The following ADGRB3 variants were observed in gnomAD, a reference collection of about 807,000 sequenced individuals.
ADGRB3 encodes the protein adhesion G protein-coupled receptor B3.
ADGRB3 carries 37 observed loss-of-function variants against 193.4 expected under a neutral mutation model. The observed-to-expected ratio is 0.19, with a 90% CI of 0.15 to 0.25. ADGRB3 has a LOEUF of 0.25. Ranked by LOEUF, ADGRB3 falls within the 10% of genes least tolerant of loss-of-function variation. ADGRB3 has a pLI of 1.00. For synonymous variants in ADGRB3, 690 were observed against 644.2 expected, an observed-to-expected ratio of 1.07 and a Z score of -1.08; for missense variants, 1,637 against 1,852.9, an observed-to-expected ratio of 0.88 and a Z score of 2.14.
intron 3 of ADGRB3, among the ~76,000 whole-genome samples, chr6:68,703,139 A>G (rs1765270628): frequency 1.3e-5 from 2 of 152,220 alleles, no homozygotes; most frequent in Admixed American, 6.5e-5. Context: ...TGATGGGTAT[A>G]TAACTGTTTA....
chr6:68,736,193 A>C (rs2127336653), intron 3 of ADGRB3, among the ~76,000 whole-genome samples: 1 of 151,974 alleles, frequency 6.6e-6, no homozygotes, highest in South Asian at 2.1e-4. Context: ...AAAAAAAAAA[A>C]AAATTTATAG....
At chr6:69,217,451 G>A (rs2127245772) in intron 17 of ADGRB3, among the ~76,000 whole-genome samples, 1 of 152,310 alleles carries the variant, frequency 6.6e-6, no homozygotes, top group Middle Eastern at 3.4e-3. Context: ...ATCTGGCCTT[G>A]AGCATCTGCT....
chr6:69,205,574 G>T (rs1765521084), intron 17 of ADGRB3, among the ~76,000 whole-genome samples: 2 of 152,076 alleles, frequency 1.3e-5, no homozygotes, highest in Non-Finnish European at 2.9e-5. Flanking sequence ...TGGAGGCTGG[G>T]AATTTCAAGA....
chr6:68,751,475 A>G (rs1766197785), intron 3 of ADGRB3, among the ~76,000 whole-genome samples: 1 of 152,208 alleles, frequency 6.6e-6, no homozygotes, highest in South Asian at 2.1e-4. Context: ...AATGAAATAA[A>G]ACATCAGAGA....
chr6:68,888,775 G>A (rs1448960232), intron 3 of ADGRB3, among the ~76,000 whole-genome samples: 1 of 152,154 alleles, frequency 6.6e-6, no homozygotes. Context: ...ATGGTCCTGG[G>A]GGACCTATGC....
intron 3 of ADGRB3, among the ~76,000 whole-genome samples, chr6:68,689,997 T>C (rs1241926489): frequency 6.6e-6 from 1 of 152,170 alleles, no homozygotes; most frequent in Non-Finnish European, 1.5e-5. Context: ...ACTTTCTCTT[T>C]AGCCTTCTTA....
chr6:68,818,563 G>A (rs535820748), intron 3 of ADGRB3, among the ~76,000 whole-genome samples: 1 of 151,954 alleles, frequency 6.6e-6, no homozygotes, highest in East Asian at 1.9e-4. Context: ...TTGGAAAGGG[G>A]GAAAAAAGGT....
intron 3 of ADGRB3, among the ~76,000 whole-genome samples, chr6:68,663,002 A>G (rs998295538): frequency 5.3e-5 from 8 of 151,082 alleles, no homozygotes; most frequent in African/African-American, 1.7e-4. Context: ...TTTCTAGTAA[A>G]CCCATTACGT....
intron 31 of ADGRB3, among the ~76,000 whole-genome samples, chr6:69,387,833 T>C (rs962847283): frequency 1.2e-4 from 19 of 152,114 alleles, no homozygotes; most frequent in Non-Finnish European, 4.4e-5. Flanking sequence ...TTGATTATAA[T>C]CAGTTAAACG....
At chr6:68,717,498 G>A (rs1169265201) in intron 3 of ADGRB3, among the ~76,000 whole-genome samples, 1 of 151,626 alleles carries the variant, frequency 6.6e-6, no homozygotes, top group African/African-American at 2.4e-5. Context: ...AAATAAACAT[G>A]AGATTTTGTG....
intron 20 of ADGRB3, among the ~76,000 whole-genome samples, chr6:69,295,037 C>A (rs1302866036): frequency 6.6e-6 from 1 of 152,146 alleles, no homozygotes; most frequent in African/African-American, 2.4e-5. Context: ...TCTCTCACTG[C>A]AGCAAGCCTG....
intron 17 of ADGRB3, among the ~76,000 whole-genome samples, chr6:69,089,540 ATC>A (rs1772647183): frequency 6.6e-6 from 1 of 152,222 alleles, no homozygotes; most frequent in Non-Finnish European, 1.5e-5. Flanking sequence ...TCACTAATAT[ATC>A]TCATTATCCA....
chr6:69,149,924 CTGTGTGTG>C (rs1167142377), intron 17 of ADGRB3, among the ~76,000 whole-genome samples: 10,578 of 128,864 alleles, frequency 0.082, 439 homozygotes, highest in Middle Eastern at 0.18. Flanking sequence ...GTCTGTCTTT[CTGTGTGTG>C]TGTGTGTGTG....
intron 3 of ADGRB3, among the ~76,000 whole-genome samples, chr6:68,663,027 GTTATATGGAAGTCAGCTTTCAACAATA>G (rs1768706926): frequency 1.3e-5 from 2 of 151,202 alleles, no homozygotes; most frequent in East Asian, 1.9e-4. Flanking sequence ...TTTCAACAAT[GTTATATGGAAGTCAGCTTTCAACAATA>G]TTATATGGAA....
chr6:68,653,492 C>G (rs1768419842), intron 3 of ADGRB3, among the ~76,000 whole-genome samples: 2 of 151,986 alleles, frequency 1.3e-5, no homozygotes, highest in African/African-American at 4.8e-5. Context: ...ACATATTCCA[C>G]ATTGTACTCT....
chr6:69,326,625 G>A (rs1768575646), intron 21 of ADGRB3, among the ~76,000 whole-genome samples: 1 of 152,026 alleles, frequency 6.6e-6, no homozygotes, highest in South Asian at 2.1e-4. Flanking sequence ...GTTTCATTAT[G>A]AACAAGTACA....
intron 3 of ADGRB3, among the ~76,000 whole-genome samples, chr6:68,794,918 T>G (rs1055598509): frequency 6.6e-6 from 1 of 152,122 alleles, no homozygotes; most frequent in African/African-American, 2.4e-5. Flanking sequence ...TCCTGCAATC[T>G]GCATAGATAA....
chr6:69,364,516 C>T (rs2127334905), intron 29 of ADGRB3, among the ~76,000 whole-genome samples: 1 of 152,144 alleles, frequency 6.6e-6, no homozygotes, highest in Non-Finnish European at 1.5e-5. Context: ...AGTTTCTTGG[C>T]ATAAAAACAT....
chr6:68,854,426 C>T (rs1468298592), intron 3 of ADGRB3, among the ~76,000 whole-genome samples: 1 of 152,062 alleles, frequency 6.6e-6, no homozygotes, highest in Non-Finnish European at 1.5e-5. Flanking sequence ...AGATAATGTA[C>T]TTGTTAATTA....
Sources: allele counts gnomAD v4.1 joint callset (sites outside exome capture counted in the v4.1 genomes callset), GRCh38; gene constraint gnomAD v4.1.1; transcripts MANE v1.5; gene names NCBI Gene and HGNC (gene_info 2026-07-23, HGNC 2026-07-21).